Variants in PDZD2 observed in about 807,000 individuals in gnomAD.
PDZD2 encodes PDZ domain containing 2.
PDZD2 carries 90 observed loss-of-function variants against 220.7 expected under a neutral mutation model. That is an observed-to-expected ratio of 0.41 (90% CI 0.34 to 0.49). The LOEUF is 0.49. Ranked by LOEUF, PDZD2 falls within the 20% of genes least tolerant of loss-of-function variation. The probability of loss-of-function intolerance (pLI) is 0.28; values close to 1 mark genes in which losing one functional copy is unlikely to be tolerated. For synonymous variants in PDZD2, 1,375 were observed against 1,450.5 expected (o/e 0.95, Z 1.18); for missense variants, 3,174 against 3,608.5 (o/e 0.88, Z 3.08).
chr5:31,910,038 C>T (rs949770993), intron 2 of PDZD2, among the ~76,000 whole-genome samples: 2 of 152,020 alleles, frequency 1.3e-5, no homozygotes, highest in African/African-American at 4.8e-5. Context: ...GTCATCGGTG[C>T]CTTACATGTA....
intron 6 of PDZD2, among the ~76,000 whole-genome samples, chr5:32,034,569 C>T (rs1392236924): frequency 2.6e-5 from 4 of 151,820 alleles, no homozygotes; most frequent in Admixed American, 2.6e-4. Context: ...CCATGTTGGC[C>T]GGGCTGGTCT....
chr5:31,981,254 C>G (rs1458484461), intron 2 of PDZD2, among the ~76,000 whole-genome samples: 2 of 152,164 alleles, frequency 1.3e-5, no homozygotes, highest in Non-Finnish European at 2.9e-5. Flanking sequence ...GTACCCCCCA[C>G]CTTTTTTGTT....
At chr5:31,887,206 T>C (rs7715013) in intron 2 of PDZD2, among the ~76,000 whole-genome samples, 1,574 of 152,306 alleles carry the variant, frequency 0.01, 31 homozygotes, top group African/African-American at 0.036. Flanking sequence ...AGTACACACT[T>C]GGTAGGCTCT....
chr5:31,892,886 T>C (rs1281437799), intron 2 of PDZD2, among the ~76,000 whole-genome samples: 4 of 152,096 alleles, frequency 2.6e-5, no homozygotes, highest in African/African-American at 4.8e-5. Context: ...TAGTTTCTTA[T>C]GGAGCTCACA....
chr5:31,891,250 C>T (rs1741012727), intron 2 of PDZD2, among the ~76,000 whole-genome samples: 1 of 151,740 alleles, frequency 6.6e-6, no homozygotes, highest in Admixed American at 6.6e-5. Flanking sequence ...GATTCTCCTG[C>T]CTCAGCCTCC....
At chr5:31,653,293 A>T (rs920084106) in intron 1 of PDZD2, among the ~76,000 whole-genome samples, 5 of 152,114 alleles carry the variant, frequency 3.3e-5, no homozygotes, top group African/African-American at 1.2e-4. Flanking sequence ...GGCACAGACT[A>T]TATCCTGTTT....
At chr5:31,650,971 C>A (rs1397722287) in intron 1 of PDZD2, among the ~76,000 whole-genome samples, 2 of 152,150 alleles carry the variant, frequency 1.3e-5, no homozygotes, top group African/African-American at 2.4e-5. Context: ...AGCTTTGAGC[C>A]AGTCATGAAA....
intron 1 of PDZD2, among the ~76,000 whole-genome samples, chr5:31,725,034 T>A (rs1749038778): frequency 6.6e-6 from 1 of 152,130 alleles, no homozygotes; most frequent in Admixed American, 6.6e-5. Context: ...ACTGGACTCC[T>A]AAGAGTGGCT....
At chr5:31,824,192 G>C (rs1561487599) in intron 2 of PDZD2, among the ~76,000 whole-genome samples, 1 of 152,258 alleles carries the variant, frequency 6.6e-6, no homozygotes, top group South Asian at 2.1e-4. Context: ...CCTTCAAAAA[G>C]GTCCCTGAGC....
At chr5:31,711,873 G>C (rs976593735) in intron 1 of PDZD2, among the ~76,000 whole-genome samples, 3 of 152,202 alleles carry the variant, frequency 2.0e-5, no homozygotes, top group Non-Finnish European at 4.4e-5. Flanking sequence ...CTCAGAAGGA[G>C]GGGGAGTTTG....
intron 1 of PDZD2, among the ~76,000 whole-genome samples, chr5:31,713,452 A>G (rs1748248565): frequency 6.6e-6 from 1 of 152,242 alleles, no homozygotes; most frequent in Non-Finnish European, 1.5e-5. Flanking sequence ...GAAATCAAGA[A>G]TACATCTTGG....
intron 6 of PDZD2, among the ~76,000 whole-genome samples, chr5:32,025,526 A>AAAAC (rs148530473): frequency 1.1e-4 from 15 of 140,276 alleles, no homozygotes; most frequent in South Asian, 4.7e-4. Context: ...ACTCTGTCAC[A>AAAAC]AAACAAACAA....
chr5:31,975,133 ATTCTGTATTAGTTT>A (rs552237745), intron 2 of PDZD2, among the ~76,000 whole-genome samples: 59 of 152,288 alleles, frequency 3.9e-4, no homozygotes, highest in African/African-American at 1.3e-3. Flanking sequence ...GTTTATTTGT[ATTCTGTATTAGTTT>A]TTCACGCTGC....
chr5:31,908,707 AG>A, intron 2 of PDZD2: 1 of 1,162,244 alleles, frequency 8.6e-7, no homozygotes, highest in Non-Finnish European at 1.2e-6. Flanking sequence ...GGGGCTGCAG[AG>A]CCCCTTGCAA....
intron 2 of PDZD2, among the ~76,000 whole-genome samples, chr5:31,884,990 T>A (rs891458961): frequency 1.2e-4 from 18 of 151,988 alleles, no homozygotes; most frequent in African/African-American, 4.3e-4. Flanking sequence ...TGTGGGACGA[T>A]GCCATAAGTA....
chr5:31,737,475 G>A (rs1245733755), intron 1 of PDZD2, among the ~76,000 whole-genome samples: 1 of 152,092 alleles, frequency 6.6e-6, no homozygotes, highest in Non-Finnish European at 1.5e-5. Flanking sequence ...CCCGGCCAGA[G>A]CAGTCTACTT....
intron 1 of PDZD2, among the ~76,000 whole-genome samples, chr5:31,660,572 C>T (rs1745721913): frequency 6.6e-6 from 1 of 152,094 alleles, no homozygotes; most frequent in East Asian, 1.9e-4. Flanking sequence ...GAGGGGAAAG[C>T]CCCTTATAAA....
intron 2 of PDZD2, among the ~76,000 whole-genome samples, chr5:31,953,750 G>A (rs1747391106): frequency 6.6e-6 from 1 of 151,774 alleles, no homozygotes; most frequent in Non-Finnish European, 1.5e-5. Context: ...TGCCTCCCAG[G>A]TTGAAGCAAT....
chr5:32,090,968 C>G lies in PDZD2; in HGVS notation c.7520C>G (p.Ala2507Gly), dbSNP rs901896708. Residue 2507 changes from alanine (A) to glycine (G), a missense_variant, in exon 20 of 25, where the codon GCC becomes GGC. By Grantham distance (60) the Ala-to-Gly change is moderately conservative. Transcript: ENST00000438447. The surrounding 1 kb of genome is among the most constrained non-coding windows in gnomAD (Gnocchi z 4.3). ...CSEDYSAGPS[A>G]VLFKTELEIT... Reference sequence around the variant, plus strand: ...GAGGATTACTCAGCAGGGCCGAGCGCCGTGCTCTTCAAAACTGAGCTGGAG... The same window carrying G: ...GAGGATTACTCAGCAGGGCCGAGCGGCGTGCTCTTCAAAACTGAGCTGGAG... 6.2e-7 allele frequency: 1 copy of G among 1,613,940 alleles called. No homozygotes were observed. Among genetic ancestry groups the G allele is most frequent in the Non-Finnish European group, 8.5e-7 (1 of 1,180,012 alleles).
Sources: allele counts gnomAD v4.1 joint callset (sites outside exome capture counted in the v4.1 genomes callset), GRCh38; gene constraint gnomAD v4.1.1; non-coding constraint Gnocchi (gnomAD v3.1); transcripts MANE v1.5; gene names NCBI Gene and HGNC (gene_info 2026-07-23, HGNC 2026-07-21).